The following GPM6A variants were observed in gnomAD, a reference collection of about 807,000 sequenced individuals.
GPM6A encodes the protein neuronal membrane glycoprotein M6-a.
GPM6A carries 7 observed loss-of-function variants against 32.1 expected under a neutral mutation model. That is an observed-to-expected ratio of 0.22 (90% CI 0.12 to 0.41). The LOEUF (loss-of-function observed/expected upper bound fraction) is 0.41, where lower values mean the gene tolerates loss of function less well. Ranked by LOEUF, GPM6A falls within the 10% of genes least tolerant of loss-of-function variation. GPM6A has a pLI of 1.00. For missense variants in GPM6A, 235 were observed against 347.2 expected, an observed-to-expected ratio of 0.68 and a Z score of 2.57; for synonymous variants, 130 against 123.4, an observed-to-expected ratio of 1.05 and a Z score of -0.35.
intron 1 of GPM6A, among the ~76,000 whole-genome samples, chr4:175,968,096 G>A (rs901669697): frequency 1.1e-4 from 16 of 151,798 alleles, no homozygotes; most frequent in African/African-American, 2.9e-4. Context: ...GAACGGAATC[G>A]AGAGCGTAGT....
intron 1 of GPM6A, among the ~76,000 whole-genome samples, chr4:175,704,503 A>G (rs1022578785): frequency 5.9e-5 from 9 of 152,156 alleles, no homozygotes; most frequent in Admixed American, 4.6e-4. Context: ...TTGGGTGGAG[A>G]TTAACAGGGC....
intron 1 of GPM6A, among the ~76,000 whole-genome samples, chr4:175,744,777 G>C: frequency 6.6e-6 from 1 of 152,084 alleles, no homozygotes; most frequent in East Asian, 1.9e-4. Flanking sequence ...AAACACTCTA[G>C]TAGAAAGAAA....
intron 1 of GPM6A, among the ~76,000 whole-genome samples, chr4:175,918,824 C>T (rs1738578109): frequency 6.6e-6 from 1 of 152,034 alleles, no homozygotes; most frequent in Admixed American, 6.5e-5. Flanking sequence ...TCTTATGTCT[C>T]TAGTTATTAA....
intron 1 of GPM6A, among the ~76,000 whole-genome samples, chr4:175,802,527 A>G (rs1037278937): frequency 6.6e-6 from 1 of 152,122 alleles, no homozygotes; most frequent in Non-Finnish European, 1.5e-5. Flanking sequence ...AAAGAAGGCA[A>G]AAGAAAATTG....
At chr4:175,682,329 A>T (rs1743734408) in intron 2 of GPM6A, among the ~76,000 whole-genome samples, 1 of 152,224 alleles carries the variant, frequency 6.6e-6, no homozygotes, top group African/African-American at 2.4e-5. Flanking sequence ...AATAATATTT[A>T]AACAGGAAGC....
intron 1 of GPM6A, among the ~76,000 whole-genome samples, chr4:175,924,149 T>C (rs896596805): frequency 6.6e-6 from 1 of 152,222 alleles, no homozygotes; most frequent in Non-Finnish European, 1.5e-5. Flanking sequence ...GTGGGAATCT[T>C]ATGCAACAAT....
chr4:175,977,302 T>TC (rs1271076628), intron 1 of GPM6A, among the ~76,000 whole-genome samples: 1 of 152,198 alleles, frequency 6.6e-6, no homozygotes, highest in African/African-American at 2.4e-5. Context: ...GATAAAACAG[T>TC]CATGTACGCC....
At chr4:175,637,674 A>AT (rs1491248017) in intron 6 of GPM6A, among the ~76,000 whole-genome samples, 1,813 of 5,286 alleles carry the variant, frequency 0.34, 84 homozygotes, top group African/African-American at 0.45. Flanking sequence ...TAATATATAT[A>AT]ATATATATAT....
intron 1 of GPM6A, among the ~76,000 whole-genome samples, chr4:175,772,359 G>C (rs544846127): frequency 1.3e-5 from 2 of 152,286 alleles, no homozygotes; most frequent in South Asian, 4.1e-4. Flanking sequence ...TGAAGTCCTA[G>C]GGGGTTAGGA....
At chr4:175,896,614 TTC>T (rs1158124727) in intron 1 of GPM6A, among the ~76,000 whole-genome samples, 1 of 152,168 alleles carries the variant, frequency 6.6e-6, no homozygotes, top group East Asian at 1.9e-4. Flanking sequence ...AGGCTTCTGT[TTC>T]TGTTTTCTGC....
intron 1 of GPM6A, among the ~76,000 whole-genome samples, chr4:175,772,670 A>C (rs1733237519): frequency 6.6e-6 from 1 of 151,956 alleles, no homozygotes; most frequent in African/African-American, 2.4e-5. Flanking sequence ...CACACTGAAC[A>C]CTCTAGTCTC....
chr4:175,974,982 C>G (rs185403152), intron 1 of GPM6A, among the ~76,000 whole-genome samples: 100 of 152,310 alleles, frequency 6.6e-4, no homozygotes, highest in African/African-American at 2.2e-3. Context: ...CCGCACCTGG[C>G]CTATACATCA....
intron 1 of GPM6A, among the ~76,000 whole-genome samples, chr4:175,910,443 G>T (rs1157119985): frequency 6.6e-6 from 1 of 152,062 alleles, no homozygotes; most frequent in Non-Finnish European, 1.5e-5. Flanking sequence ...TTCTTAGTCG[G>T]GTACATAATT....
chr4:175,819,198 A>T (rs1735202043), intron 1 of GPM6A, among the ~76,000 whole-genome samples: 1 of 152,160 alleles, frequency 6.6e-6, no homozygotes, highest in Non-Finnish European at 1.5e-5. Flanking sequence ...CTCAAAATCC[A>T]AACACTACTA....
At chr4:175,654,059 C>T (rs922595562) in intron 3 of GPM6A, among the ~76,000 whole-genome samples, 7 of 152,084 alleles carry the variant, frequency 4.6e-5, no homozygotes, top group Non-Finnish European at 7.3e-5. Flanking sequence ...AGCCTCTGAA[C>T]GTGGATAAGT....
intron 1 of GPM6A, among the ~76,000 whole-genome samples, chr4:175,819,234 T>A (rs2111346524): frequency 6.6e-6 from 1 of 152,198 alleles, no homozygotes; most frequent in South Asian, 2.1e-4. Flanking sequence ...ATCACAAAAA[T>A]TGGCCCAAGC....
intron 1 of GPM6A, among the ~76,000 whole-genome samples, chr4:175,836,266 G>A (rs987121396): frequency 9.9e-5 from 15 of 151,862 alleles, no homozygotes; most frequent in African/African-American, 2.4e-4. Context: ...CTTCTGTCTC[G>A]GTTCCATTTT....
chr4:175,959,793 G>T (rs745869176), intron 1 of GPM6A, among the ~76,000 whole-genome samples: 5 of 152,152 alleles, frequency 3.3e-5, no homozygotes, highest in Non-Finnish European at 7.3e-5. Context: ...CCAATCATCT[G>T]TCCAGGATGG....
At chr4:175,755,732 T>C (rs1195645212) in intron 1 of GPM6A, among the ~76,000 whole-genome samples, 1 of 152,204 alleles carries the variant, frequency 6.6e-6, no homozygotes, top group Non-Finnish European at 1.5e-5. Context: ...ACAACCTGTG[T>C]TGTAGGTAAT....
Sources: gnomAD v4.1 joint callset for allele counts (sites outside exome capture counted in the v4.1 genomes callset) on GRCh38, gnomAD v4.1.1 for gene constraint, MANE v1.5 for transcripts, NCBI Gene and HGNC (gene_info 2026-07-23, HGNC 2026-07-21) for gene names.